The following ABCB9 variants were observed in gnomAD, a reference collection of about 807,000 sequenced individuals.
ABCB9 encodes ABC-type oligopeptide transporter ABCB9.
Under a neutral mutation model 62.0 loss-of-function variants are expected in ABCB9, and 36 were observed. The ratio of observed to expected loss-of-function variants is 0.58; its 90% confidence interval spans 0.45 to 0.77. The LOEUF is 0.77. Among genes scored for constraint, ABCB9 ranks in the 30% least tolerant of loss-of-function variants. ABCB9 has a pLI of 0.00. For synonymous variants in ABCB9, 435 were observed against 461.4 expected, an observed-to-expected ratio of 0.94 and a Z score of 0.73; for missense variants, 943 against 1,054.7, an observed-to-expected ratio of 0.89 and a Z score of 1.47.
intron 2 of ABCB9, among the ~76,000 whole-genome samples, chr12:122,954,116 T>C (rs1478089649): frequency 6.6e-6 from 1 of 151,082 alleles, no homozygotes; most frequent in Non-Finnish European, 1.5e-5. Flanking sequence ...CTGAAGTCGC[T>C]GTGATCACTC....
At chr12:122,951,240 C>CTTT (rs369469703) in intron 2 of ABCB9, among the ~76,000 whole-genome samples, 33 of 135,878 alleles carry the variant, frequency 2.4e-4, no homozygotes, top group African/African-American at 8.4e-4. Context: ...AAATATTTTC[C>CTTT]TTTTTTTTTT....
In ABCB9 at chr12:122,940,426, GTTCT is replaced by G. The variant is rs903264972; in HGVS notation, c.1570-146_1570-143del. On this transcript the variant is annotated intron_variant, in intron 8 of 11. Coordinates refer to ENST00000280560, the MANE Select transcript of ABCB9 (RefSeq NM_019625.4). The surrounding 1 kb of genome is among the most constrained non-coding windows in gnomAD (Gnocchi z 4.8). ...GCTTGGGCACTGCTGGCCCCTAAAC[GTTCT>G]TTCTAAGACACTAGGACTTGGAAGC... 3.1e-5 allele frequency: 31 copies of G among 987,894 alleles called. No homozygotes were observed. Among genetic ancestry groups the G allele is most frequent in the African/African-American group, 8.2e-5 (5 of 61,198 alleles). The allele number at this position is 987,894 out of a possible 1,614,324, so 61.2% of individuals were successfully genotyped here. A position where few individuals can be genotyped will look rare whatever the true frequency, so the allele number is the denominator to read the frequency against.
At chr12:122,943,056 G>A (rs145533133) in intron 7 of ABCB9, among the ~76,000 whole-genome samples, 32 of 152,242 alleles carry the variant, frequency 2.1e-4, no homozygotes, top group African/African-American at 7.5e-4. Context: ...TGCGGGCTGC[G>A]GGCTTTTTTG....
At chr12:122,958,169 CAAAAAAA>C (rs34917345) in intron 2 of ABCB9, among the ~76,000 whole-genome samples, 5 of 72,244 alleles carry the variant, frequency 6.9e-5, no homozygotes, top group Non-Finnish European at 2.5e-5. Context: ...GACTCCATCT[CAAAAAAA>C]AAAAAAAAAA....
chr12:122,921,161 T>C (rs1490309038), intron 11 of ABCB9: 3 of 1,014,762 alleles, frequency 3.0e-6, no homozygotes, highest in Non-Finnish European at 4.4e-6. Context: ...ACACCTGTAA[T>C]CCCAGCACTT....
rs2037096647 is a variant in ABCB9, at chr12:122,964,962, A to G, written c.-88+1325T>C. 6.6e-6 allele frequency among the ~76,000 whole-genome samples: 1 copy of G among 152,200 alleles called. No individual in the cohort carries two copies. The highest frequency in any genetic ancestry group is 2.1e-4 in the South Asian group (1 of 4,830). ...CAGAGAAGGCCAGAAGACGATAGAT[A>G]GCAGTTATTATGACGCTGCAACAGA... On this transcript the variant is annotated intron_variant, in intron 1 of 11. Coordinates refer to ENST00000280560, the MANE Select transcript of ABCB9 (RefSeq NM_019625.4). This position sits in a 1 kb window ranked among gnomAD's most constrained non-coding sequence, Gnocchi z 4.7.
At chr12:122,920,934 C>A (rs370591820), downstream of ABCB9, 4 of 1,313,898 alleles carry the variant, frequency 3.0e-6, no homozygotes, top group Admixed American at 2.0e-5. Context: ...TCACATAAAG[C>A]GCATAGACTC....
chr12:122,938,076 G>A (rs2035550969), intron 9 of ABCB9, among the ~76,000 whole-genome samples: 1 of 152,260 alleles, frequency 6.6e-6, no homozygotes, highest in Non-Finnish European at 1.5e-5. Flanking sequence ...TGTTGTGACA[G>A]AAACTACGGC....
rs1249665628 is a variant in ABCB9, at chr12:122,940,415, G to A, written c.1570-131C>T. 9.3e-7 allele frequency: 1 copy of A among 1,077,950 alleles called. No homozygotes were observed. The highest frequency in any genetic ancestry group is 1.3e-6 in the Non-Finnish European group (1 of 764,994). 66.8% of individuals were successfully genotyped at this position (1,077,950 alleles called of 1,614,324 possible). A position where few individuals can be genotyped will look rare whatever the true frequency, so the allele number is the denominator to read the frequency against. ...GCCTCTCCCTCGCTTGGGCACTGCT[G>A]GCCCCTAAACGTTCTTTCTAAGACA... On this transcript the variant is annotated intron_variant, in intron 8 of 11. Transcript: ENST00000280560. This position sits in a 1 kb window ranked among gnomAD's most constrained non-coding sequence, Gnocchi z 4.8.
At chr12:122,961,013 A>G (rs960233231) in intron 1 of ABCB9, among the ~76,000 whole-genome samples, 2 of 151,978 alleles carry the variant, frequency 1.3e-5, no homozygotes, top group African/African-American at 4.8e-5. Flanking sequence ...ACAGTGAGCT[A>G]TGATCATGCC....
Position 122,972,037 on chromosome 12 carries a change from C to CTT in ABCB9, c.-88+2676_-88+2677dup, listed in dbSNP as rs57112984. Among the ~76,000 whole-genome samples the CTT allele has an allele frequency of 1.7e-3, 167 of 99,282 alleles. 2 individuals carry two copies. Among genetic ancestry groups the CTT allele is most frequent in the African/African-American group, 2.7e-3 (65 of 24,500 alleles). 65.1% of individuals were successfully genotyped at this position (99,282 alleles called of 152,430 possible). A position where few individuals can be genotyped will look rare whatever the true frequency, so the allele number is the denominator to read the frequency against. On this transcript the variant is annotated intron_variant, in intron 1 of 11. Transcript: ENST00000392439. ...TTCATAGCAGCTTCATTCATAATGT[C>CTT]TTTTTTTTTTTTTTTTTTTTTTGTT...
chr12:122,944,321 A>AGGTAAGAT lies in ABCB9; in HGVS notation c.1380+69_1380+70insATCTTACC. 1.4e-6 allele frequency: 1 copy of AGGTAAGAT among 738,054 alleles called. No homozygotes were observed. Among genetic ancestry groups the AGGTAAGAT allele is most frequent in the Non-Finnish European group, 1.9e-6 (1 of 515,528 alleles). The allele number at this position is 738,054 out of a possible 1,614,324, so 45.7% of individuals were successfully genotyped here. On this transcript the variant is annotated intron_variant, in intron 7 of 11. Coordinates refer to ENST00000280560, the MANE Select transcript of ABCB9 (RefSeq NM_019625.4). This position sits in a 1 kb window ranked among gnomAD's most constrained non-coding sequence, Gnocchi z 4.9. ...TCAGAGTCCCTGGAGCCCCGCCCCC[A>AGGTAAGAT]CCCTGTTAAGATCCCTCTTCCCCAA...
intron 2 of ABCB9, among the ~76,000 whole-genome samples, chr12:122,956,081 TC>T (rs2036600258): frequency 6.6e-6 from 1 of 152,166 alleles, no homozygotes; most frequent in Non-Finnish European, 1.5e-5. Context: ...GTTGGCAGAA[TC>T]TAAGGTGGCT....
rs1362973313 is a variant in ABCB9 at position 122,932,771 on chromosome 12, T to C, written c.1904-443A>G. Among the ~76,000 whole-genome samples, 2 of 152,168 alleles carry C rather than the reference T, an allele frequency of 1.3e-5. No individual in the cohort carries two copies. The highest frequency in any genetic ancestry group is 4.8e-5 in the African/African-American group (2 of 41,438). On this transcript the variant is annotated intron_variant, in intron 10 of 11. Coordinates refer to ENST00000280560, the MANE Select transcript of ABCB9 (RefSeq NM_019625.4). This position sits in a 1 kb window ranked among gnomAD's most constrained non-coding sequence, Gnocchi z 4.7. Reference sequence around the variant, plus strand: ...AGCCCACCTGGACCAATTTTCCCCATGGACCGACTTCCTCCCATGCACAAC... The same window carrying C: ...AGCCCACCTGGACCAATTTTCCCCACGGACCGACTTCCTCCCATGCACAAC...
In ABCB9 at chr12:122,949,937, T is replaced by C. The variant is rs778836863; in HGVS notation, c.717-19A>G. On this transcript the variant is annotated intron_variant, in intron 3 of 11. Coordinates refer to ENST00000280560, the MANE Select transcript of ABCB9 (RefSeq NM_019625.4). ...AAATGAGCTAATTGCAGATAAGAGA[T>C]ATTATAGCACGATGTCCTTCCAGAC... 1 of 1,613,744 alleles carries C rather than the reference T, an allele frequency of 6.2e-7. No homozygotes were observed. Among genetic ancestry groups the C allele is most frequent in the Non-Finnish European group, 8.5e-7 (1 of 1,179,768 alleles).
Position 122,930,356 on chromosome 12 carries a change from A to G in ABCB9, c.2041-185T>C, listed in dbSNP as rs997718541. Among the ~76,000 whole-genome samples, 3 of 151,508 alleles carry G rather than the reference A, an allele frequency of 2.0e-5. No homozygotes were observed. Among genetic ancestry groups the G allele is most frequent in the East Asian group, 3.9e-4 (2 of 5,156 alleles). ...CCAGACACAATGAGGCACCTGGTGA[A>G]TGGGGGATCAGCTCTACCCTGGCCC... On this transcript the variant is annotated intron_variant, in intron 11 of 11. Coordinates refer to ENST00000280560, the MANE Select transcript of ABCB9 (RefSeq NM_019625.4). The surrounding 1 kb of genome is among the most constrained non-coding windows in gnomAD (Gnocchi z 4.9).
At chr12:122,924,567 T>C, downstream of ABCB9, 1 of 1,327,080 alleles carries the variant, frequency 7.5e-7, no homozygotes, top group South Asian at 1.6e-5. Flanking sequence ...GAGCACATAC[T>C]ATGTGTCAGC....
chr12:122,921,157 G>GGC, intron 11 of ABCB9: 1 of 1,050,362 alleles, frequency 9.5e-7, no homozygotes, highest in South Asian at 1.4e-5. Context: ...GGGCACACCT[G>GGC]TAATCCCAGC....
At position 122,932,452 on chromosome 12, in the gene ABCB9, A is replaced by C; in HGVS notation, c.1904-124T>G. On this transcript the variant is annotated intron_variant, in intron 10 of 11. Coordinates refer to ENST00000280560, the MANE Select transcript of ABCB9 (RefSeq NM_019625.4). This position sits in a 1 kb window ranked among gnomAD's most constrained non-coding sequence, Gnocchi z 4.7. The stretch of plus-strand genomic sequence containing the variant: ...GCTGGAACCCACAACTTGAAAGCTC[A>C]TGAAATGATGTTCCCCCCACCCAAC... The C allele has an allele frequency of 7.0e-4, 899 of 1,279,796 alleles. No individual in the cohort carries two copies. Among genetic ancestry groups the C allele is most frequent in the Non-Finnish European group, 8.5e-4 (810 of 954,740 alleles). 79.3% of individuals were successfully genotyped at this position (1,279,796 alleles called of 1,614,324 possible).
Sources: allele counts gnomAD v4.1 joint callset (sites outside exome capture counted in the v4.1 genomes callset), GRCh38; gene constraint gnomAD v4.1.1; non-coding constraint Gnocchi (gnomAD v3.1); transcripts MANE v1.5; gene names NCBI Gene and HGNC (gene_info 2026-07-23, HGNC 2026-07-21).